The following DNAH7 variants were observed in gnomAD, a reference collection of about 807,000 sequenced individuals.
DNAH7 encodes axonemal beta dynein heavy chain 7.
Under a neutral mutation model 444.6 loss-of-function variants are expected in DNAH7, and 397 were observed. The observed-to-expected ratio is 0.89, with a 90% confidence interval of 0.82 to 0.97. The LOEUF is 0.97. DNAH7 is among the 50% of genes least tolerant of loss of function. The pLI is 0.00. For missense variants in DNAH7, 4,902 were observed against 4,800.8 expected (o/e 1.02, Z -0.62); for synonymous variants, 1,636 against 1,624.4 (o/e 1.01, Z -0.17).
rs1205102153 is a variant in DNAH7 at position 195,900,520 on chromosome 2, TA to T, written c.4336-27del. 6 of 1,595,394 alleles carry T rather than the reference TA, an allele frequency of 3.8e-6. No homozygotes were observed. In the African/African-American group the frequency reaches 8.1e-5, roughly 21 times the overall value. The stretch of plus-strand genomic sequence containing the variant: ...CTATGGGTAGGTAGAAAGTTACTTT[TA>T]AAAGGATCATCATAAAATAAGCTAG... On this transcript the variant is annotated intron_variant, in intron 27 of 64. Coordinates refer to ENST00000312428, the MANE Select transcript of DNAH7 (RefSeq NM_018897.3).
chr2:195,755,354 T>C (rs1694020575), intron 62 of DNAH7, among the ~76,000 whole-genome samples: 1 of 152,178 alleles, frequency 6.6e-6, no homozygotes, highest in Admixed American at 6.5e-5. Context: ...CAAGATACTT[T>C]AGTTCTCTGT....
intron 22 of DNAH7, among the ~76,000 whole-genome samples, chr2:195,924,603 AAAAG>A (rs887618272): frequency 3.9e-5 from 6 of 152,014 alleles, no homozygotes; most frequent in African/African-American, 9.7e-5. Context: ...CAAAAAAAAA[AAAAG>A]AGAGAGAGAG....
At chr2:196,020,480 T>C (rs1695308370) in intron 8 of DNAH7, among the ~76,000 whole-genome samples, 1 of 152,232 alleles carries the variant, frequency 6.6e-6, no homozygotes, top group Admixed American at 6.5e-5. Flanking sequence ...TGTGGCTGTA[T>C]CACCTTTGCA....
chr2:195,864,442 C>G lies in DNAH7; in HGVS notation c.7213G>C (p.Glu2405Gln). ...CTGACATCTTCCAGAAAAGACTCTT[C>G]TTTAATTTGAGTATCTGTAAACAGG... ...VFLFTDTQIK[E>Q]ESFLEDVSNL... The change falls in exon 41 of 65, where the codon GAA becomes CAA. Residue 2405 changes from glutamate (E) to glutamine (Q), a missense_variant. Glu to Gln is a conservative substitution (Grantham distance 29). Coordinates refer to ENST00000312428, the MANE Select transcript of DNAH7 (RefSeq NM_018897.3). 6.2e-7 allele frequency: 1 copy of G among 1,614,202 alleles called. No individual in the cohort carries two copies. Among genetic ancestry groups the G allele is most frequent in the Non-Finnish European group, 8.5e-7 (1 of 1,180,038 alleles).
chr2:195,938,344 T>TCACACACACACA lies in DNAH7; in HGVS notation c.3079-1564_3079-1553dup, dbSNP rs68056425. Reference sequence around the variant, plus strand: ...CTTGTTTTATGTTTCAAATAGACATTCACACACACACACACACACACACAC... The same window carrying TCACACACACACA: ...CTTGTTTTATGTTTCAAATAGACATTCACACACACACACACACACACACACACACACACACAC... On this transcript the variant is annotated intron_variant, in intron 19 of 64. Coordinates refer to ENST00000312428, the MANE Select transcript of DNAH7 (RefSeq NM_018897.3). 5.6e-3 allele frequency among the ~76,000 whole-genome samples: 752 copies of TCACACACACACA among 134,162 alleles called. 8 individuals are homozygous for TCACACACACACA. Among genetic ancestry groups the TCACACACACACA allele is most frequent in the East Asian group, 0.021 (97 of 4,674 alleles). The allele number at this position is 134,162 out of a possible 152,430, so 88.0% of individuals were successfully genotyped here.
chr2:196,047,161 T>C (rs1250821768), intron 5 of DNAH7, among the ~76,000 whole-genome samples, 191 bp downstream of exon 5: 1 of 152,198 alleles, frequency 6.6e-6, no homozygotes, highest in African/African-American at 2.4e-5. Context: ...TTACAACTCA[T>C]GATATTTAGA....
chr2:195,857,510 G>A lies in DNAH7; in HGVS notation c.8281C>T (p.Pro2761Ser). 1 of 1,613,842 alleles carries A rather than the reference G, an allele frequency of 6.2e-7. No individual in the cohort carries two copies. Among genetic ancestry groups the A allele is most frequent in the Non-Finnish European group, 8.5e-7 (1 of 1,179,894 alleles). The change falls in exon 44 of 65, where the codon CCT becomes TCT. Residue 2761 changes from proline (P) to serine (S), a missense_variant. By Grantham distance (74) the Pro-to-Ser change is moderately conservative. Coordinates refer to ENST00000312428, the MANE Select transcript of DNAH7 (RefSeq NM_018897.3). Reference protein sequence around the residue: ...SLHEYDKDNIPPAYMNIIRKN... With the variant: ...SLHEYDKDNISPAYMNIIRKN... ...CTTATGATATTCATATAAGCTGGAG[G>A]AATATTGTCCTTGTCATATTCATGA...
chr2:195,991,585 A>T (rs1442444706), intron 12 of DNAH7, among the ~76,000 whole-genome samples: 3 of 152,234 alleles, frequency 2.0e-5, no homozygotes, highest in Admixed American at 2.0e-4. Flanking sequence ...AATAATAAAA[A>T]TGTGAGCAAA....
At position 195,907,015 on chromosome 2, in the gene DNAH7, A is replaced by C. The variant is rs765879889; in HGVS notation, c.4105-6T>G. On this transcript the variant is annotated splice_polypyrimidine_tract_variant and splice_region_variant and intron_variant, in intron 25 of 64. Coordinates refer to ENST00000312428, the MANE Select transcript of DNAH7 (RefSeq NM_018897.3). ...GCTCCACAAGATAACAGTCCCTATG[A>C]GAAAAGAGTAATGAAAATTTTTGAC... The C allele has an allele frequency of 1.2e-6, 2 of 1,601,736 alleles. No homozygotes were observed. Among genetic ancestry groups the C allele is most frequent in the South Asian group, 2.2e-5 (2 of 89,102 alleles).
intron 61 of DNAH7, among the ~76,000 whole-genome samples, chr2:195,757,278 A>C (rs773164956): frequency 6.6e-6 from 1 of 152,248 alleles, no homozygotes; most frequent in East Asian, 1.9e-4. Context: ...GATGGTGATA[A>C]ATATAAAATT....
At position 196,068,691 on chromosome 2, in the gene DNAH7, T is replaced by C. The variant is rs573807921; in HGVS notation, c.15+6A>G. ...CGGCGAGCCTGGCAAAGAGCAGCCC[T>C]CTCACCTGCTCACTGCTCATGGCTG... On this transcript the variant is annotated splice_donor_region_variant and intron_variant, in intron 1 of 64. Coordinates refer to ENST00000312428, the MANE Select transcript of DNAH7 (RefSeq NM_018897.3). 62 of 1,551,340 alleles carry C rather than the reference T, an allele frequency of 4.0e-5. No homozygotes were observed. Among genetic ancestry groups the C allele is most frequent in the Admixed American group, 3.1e-4 (16 of 51,082 alleles).
At chr2:195,861,970 G>A in intron 41 of DNAH7, 24 bp from the exon 42 acceptor site, 1 of 1,567,578 alleles carries the variant, frequency 6.4e-7, no homozygotes, top group Non-Finnish European at 8.8e-7. Flanking sequence ...AAATGCTTTA[G>A]CATTTTATTA....
Position 195,794,344 on chromosome 2 carries a change from T to C in DNAH7, c.10710A>G (p.Lys3570=). ...AGACTTAACCATTACTAACAGGCTT[T>C]TTGCAGCTGCCAAAGAACTCCGGAT... ...ISDPEFFGSC[K]KPEEFKKLLY... The change falls in exon 57 of 65, where the codon AAA becomes AAG. Residue 3570 remains lysine, a synonymous_variant. Transcript: ENST00000312428. 1 of 1,614,082 alleles carries C rather than the reference T, an allele frequency of 6.2e-7. No individual in the cohort carries two copies. Among genetic ancestry groups the C allele is most frequent in the Non-Finnish European group, 8.5e-7 (1 of 1,179,996 alleles).
intron 2 of DNAH7, 131 bp downstream of exon 2, chr2:196,057,923 A>G: frequency 1.4e-6 from 1 of 696,948 alleles, no homozygotes; most frequent in Non-Finnish European, 2.2e-6. Flanking sequence ...TCCATCAGAA[A>G]AGAATCAAAT....
chr2:195,910,076 A>T lies in DNAH7; in HGVS notation c.4055T>A (p.Phe1352Tyr), dbSNP rs1687266361. The change falls in exon 25 of 65, where the codon TTC becomes TAC. Residue 1352 changes from phenylalanine to tyrosine, a missense_variant. Physicochemically the swap from Phe to Tyr is conservative, Grantham distance 22. Coordinates refer to ENST00000312428, the MANE Select transcript of DNAH7 (RefSeq NM_018897.3). ...ATAATCCAACCCATCAGAGCAGTTG[A>T]AAACAACACATTGTTTGGCTACAGC... is the stretch of plus-strand genomic sequence containing the variant. ...AKAVAKQCVV[F>Y]NCSDGLDYLA... 4 of 1,613,830 alleles carry T rather than the reference A, an allele frequency of 2.5e-6. No homozygotes were observed. The highest frequency in any genetic ancestry group is 3.4e-6 in the Non-Finnish European group (4 of 1,179,880).
Position 195,867,151 on chromosome 2 carries a change from A to T in DNAH7, c.6634-2130T>A, listed in dbSNP as rs964340967. Among the ~76,000 whole-genome samples the T allele has an allele frequency of 1.9e-4, 29 of 152,168 alleles. 1 individual carries two copies. Among genetic ancestry groups the T allele is most frequent in the Admixed American group, 1.6e-3 (24 of 15,274 alleles). On this transcript the variant is annotated intron_variant, in intron 40 of 64. Transcript: ENST00000312428. Reference sequence around the variant, plus strand: ...CAATCTTAAGTGTACAGCTCAAAGAATTTTGGCACACAGTTATACATCCAT... The same window carrying T: ...CAATCTTAAGTGTACAGCTCAAAGATTTTTGGCACACAGTTATACATCCAT...
In DNAH7 at chr2:195,910,236, AT is replaced by A. The variant is rs762044884; in HGVS notation, c.3936-42del. On this transcript the variant is annotated intron_variant, in intron 24 of 64. Transcript: ENST00000312428. Reference sequence around the variant, plus strand: ...TAGACATTCTTTGTAGAATAATGTGATTTTTTTTCCATTCACATGCCAAGAA... The same window carrying A: ...TAGACATTCTTTGTAGAATAATGTGATTTTTTTCCATTCACATGCCAAGAA... The A allele has an allele frequency of 1.4e-4, 198 of 1,419,252 alleles. No individual in the cohort carries two copies. The African/African-American group carries it at 2.4e-3, about 17-fold the overall frequency. 87.9% of individuals were successfully genotyped at this position (1,419,252 alleles called of 1,614,324 possible).
In DNAH7 at chr2:195,864,715, C is replaced by T; in HGVS notation, c.6940G>A (p.Val2314Ile). Reference sequence around the variant, plus strand: ...TGCTCTATGGCAAATCGAAACAAGACAAGGTTCATGGGTTTTTTGCTTATA... The same window carrying T: ...TGCTCTATGGCAAATCGAAACAAGATAAGGTTCATGGGTTTTTTGCTTATA... ...NNISKKPMNLVLFRFAIEHIS... is the reference protein window; with the variant it reads ...NNISKKPMNLILFRFAIEHIS... The change falls in exon 41 of 65, where the codon GTC becomes ATC. Residue 2314 changes from valine (V) to isoleucine (I), a missense_variant. Coordinates refer to ENST00000312428, the MANE Select transcript of DNAH7 (RefSeq NM_018897.3). The T allele has an allele frequency of 6.2e-7, 1 of 1,614,160 alleles. No homozygotes were observed. Among genetic ancestry groups the T allele is most frequent in the East Asian group, 2.2e-5 (1 of 44,884 alleles).
intron 57 of DNAH7, among the ~76,000 whole-genome samples, chr2:195,788,879 A>G (rs1332105943): frequency 3.3e-5 from 5 of 152,208 alleles, no homozygotes; most frequent in Non-Finnish European, 1.5e-5. Context: ...GTATATTTGC[A>G]TGTATGTGTG....
Sources: gnomAD v4.1 joint callset for allele counts (sites outside exome capture counted in the v4.1 genomes callset) on GRCh38, gnomAD v4.1.1 for gene constraint, MANE v1.5 for transcripts, NCBI Gene and HGNC (gene_info 2026-07-23, HGNC 2026-07-21) for gene names.